COL5A2: variants seen among roughly 807,000 people sequenced by gnomAD.
The protein encoded by COL5A2 is collagen alpha-2(V) chain.
COL5A2 carries 23 observed loss-of-function variants against 208.2 expected under a neutral mutation model. That is an observed-to-expected ratio of 0.11 (90% CI 0.08 to 0.16). The LOEUF (loss-of-function observed/expected upper bound fraction) is 0.16. COL5A2 is among the 10% of genes least tolerant of loss of function. The pLI, the probability that COL5A2 is intolerant of heterozygous loss-of-function variation, is 1.00. For missense variants in COL5A2, 1,590 were observed against 1,956.4 expected (o/e 0.81, Z 3.53); for synonymous variants, 625 against 628.5 (o/e 0.99, Z 0.08).
intron 12 of COL5A2, among the ~76,000 whole-genome samples, chr2:189,083,023 C>T (rs1244945489): frequency 6.6e-6 from 1 of 152,096 alleles, no homozygotes; most frequent in Non-Finnish European, 1.5e-5. Flanking sequence ...TAAAACATTT[C>T]CTAGCATTGA....
chr2:189,337,743 G>T, the COL5A2 span, among the ~76,000 whole-genome samples: 2 of 151,446 alleles, frequency 1.3e-5, no homozygotes, highest in Non-Finnish European at 2.9e-5. Flanking sequence ...CAGAACAGCT[G>T]AGAAGAAATC....
At chr2:189,306,917 A>C in the COL5A2 span, among the ~76,000 whole-genome samples, 1 of 152,220 alleles carries the variant, frequency 6.6e-6, no homozygotes, top group Non-Finnish European at 1.5e-5. Context: ...GTAAAATGTA[A>C]TTATACATAA....
intron 41 of COL5A2, among the ~76,000 whole-genome samples, chr2:189,051,736 A>G (rs939473479): frequency 1.3e-5 from 2 of 152,210 alleles, no homozygotes; most frequent in African/African-American, 2.4e-5. Context: ...AGAGTGGTGC[A>G]ACTAACTTGA....
At chr2:189,052,623 G>T in intron 40 of COL5A2, 126 bp downstream of exon 40, 1 of 987,582 alleles carries the variant, frequency 1.0e-6, no homozygotes, top group Non-Finnish European at 1.6e-6. Flanking sequence ...TTGCACTATA[G>T]TACAGTTGAT....
the COL5A2 span, among the ~76,000 whole-genome samples, chr2:189,241,897 C>A: frequency 6.6e-6 from 1 of 152,154 alleles, no homozygotes; most frequent in African/African-American, 2.4e-5. Flanking sequence ...CCCTACCCAA[C>A]CTTTGCTAAT....
At chr2:189,319,728 A>G in the COL5A2 span, among the ~76,000 whole-genome samples, 1 of 152,224 alleles carries the variant, frequency 6.6e-6, no homozygotes, top group African/African-American at 2.4e-5. Flanking sequence ...TGTAGACTCC[A>G]CCTCTGGGAG....
chr2:189,415,882 G>C, the COL5A2 span, among the ~76,000 whole-genome samples: 1 of 152,048 alleles, frequency 6.6e-6, no homozygotes, highest in Non-Finnish European at 1.5e-5. Context: ...GGATGGTCTC[G>C]ATCTCCTGAC....
chr2:189,357,637 C>T, the COL5A2 span, among the ~76,000 whole-genome samples: 20 of 152,092 alleles, frequency 1.3e-4, no homozygotes, highest in South Asian at 1.5e-3. Flanking sequence ...GCCAGTGGAT[C>T]TTAGCTTGCT....
intron 1 of COL5A2, among the ~76,000 whole-genome samples, chr2:189,198,192 C>T (rs1010197147): frequency 1.3e-5 from 2 of 152,006 alleles, no homozygotes; most frequent in Non-Finnish European, 2.9e-5. Flanking sequence ...GGCCATTTTC[C>T]ACATGGATGC....
chr2:189,057,510 GT>G, intron 33 of COL5A2, 83 bp from the exon 34 acceptor site: 2 of 989,666 alleles, frequency 2.0e-6, no homozygotes, highest in South Asian at 2.6e-5. Context: ...GTCAAAAGTA[GT>G]TGTCAGCAAT....
At chr2:189,407,556 A>G in the COL5A2 span, among the ~76,000 whole-genome samples, 11 of 151,800 alleles carry the variant, frequency 7.2e-5, no homozygotes, top group African/African-American at 2.7e-4. Flanking sequence ...ATGGCAAAAG[A>G]TAAGACTCTT....
chr2:189,283,778 T>C, the COL5A2 span, among the ~76,000 whole-genome samples: 1 of 152,138 alleles, frequency 6.6e-6, no homozygotes, highest in Non-Finnish European at 1.5e-5. Flanking sequence ...ATATGGAAAC[T>C]ACTATCTTTA....
intron 14 of COL5A2, among the ~76,000 whole-genome samples, chr2:189,079,532 A>C (rs1686486293): frequency 6.6e-6 from 1 of 152,176 alleles, no homozygotes; most frequent in African/African-American, 2.4e-5. Flanking sequence ...TCCACTAGAA[A>C]TTCCTTTATA....
At chr2:189,375,307 A>G in the COL5A2 span, among the ~76,000 whole-genome samples, 5,535 of 152,198 alleles carry the variant, frequency 0.036, 117 homozygotes, top group Admixed American at 0.05. Flanking sequence ...ATGAGTCACC[A>G]CACCCAGCCT....
At chr2:189,359,688 T>A in the COL5A2 span, among the ~76,000 whole-genome samples, 1 of 152,156 alleles carries the variant, frequency 6.6e-6, no homozygotes, top group Non-Finnish European at 1.5e-5. Flanking sequence ...AGTGAAGCCA[T>A]CAGGTCCTGG....
At chr2:189,088,460 A>G (rs991942086) in intron 8 of COL5A2, among the ~76,000 whole-genome samples, 2 of 152,208 alleles carry the variant, frequency 1.3e-5, no homozygotes, top group South Asian at 2.1e-4. Context: ...ATTAAATAAA[A>G]TGTACAGATA....
At chr2:189,434,188 T>C in the COL5A2 span, among the ~76,000 whole-genome samples, 1 of 152,244 alleles carries the variant, frequency 6.6e-6, no homozygotes, top group East Asian at 1.9e-4. Context: ...CTCAAAATAA[T>C]AACAGCTATT....
intron 1 of COL5A2, among the ~76,000 whole-genome samples, chr2:189,136,837 A>G (rs909504506): frequency 1.3e-5 from 2 of 152,080 alleles, no homozygotes; most frequent in African/African-American, 4.8e-5. Context: ...TGCCAAATAT[A>G]TTTAGTTTGG....
chr2:189,336,527 C>T, the COL5A2 span, among the ~76,000 whole-genome samples: 1 of 152,068 alleles, frequency 6.6e-6, no homozygotes, highest in African/African-American at 2.4e-5. Context: ...CAGGAAATTG[C>T]TCAATTACAA....
Sources: allele counts gnomAD v4.1 joint callset (sites outside exome capture counted in the v4.1 genomes callset), GRCh38; gene constraint gnomAD v4.1.1; transcripts MANE v1.5; gene names NCBI Gene and HGNC (gene_info 2026-07-23, HGNC 2026-07-21).